The following SYNE1 variants were observed in gnomAD, a reference collection of about 807,000 sequenced individuals.
SYNE1 encodes the protein nesprin-1.
Under a neutral mutation model 1,111.0 loss-of-function variants are expected in SYNE1, and 616 were observed. The observed-to-expected ratio is 0.55, with a 90% CI of 0.52 to 0.59. SYNE1 has a LOEUF of 0.59. Ranked by LOEUF, SYNE1 falls within the 20% of genes least tolerant of loss-of-function variation. The probability of loss-of-function intolerance (pLI) is 0.00; values close to 1 mark genes in which losing one functional copy is unlikely to be tolerated. For missense variants in SYNE1, 10,006 were observed against 10,417.0 expected, an observed-to-expected ratio of 0.96 and a Z score of 1.72; for synonymous variants, 3,855 against 3,825.8, an observed-to-expected ratio of 1.01 and a Z score of -0.28.
chr6:152,179,673 CTTTTTTTTTTTTT>C (rs796260764), intron 129 of SYNE1, among the ~76,000 whole-genome samples: 1,144 of 55,116 alleles, frequency 0.021, 20 homozygotes, highest in Non-Finnish European at 0.029. Flanking sequence ...GCTGGATATC[CTTTTTTTTTTTTT>C]TTTTTTTTTT....
rs1211374982 is a variant in SYNE1 at position 152,407,066 on chromosome 6, A to T, written c.6671T>A (p.Ile2224Asn). The change falls in exon 45 of 146, where the codon ATC becomes AAC. Residue 2224 changes from isoleucine to asparagine, a missense_variant. Physicochemically the swap from Ile to Asn is moderately radical, Grantham distance 149. This residue lies in a region of SYNE1 where 4,955 missense variants were observed against 5,017.2 expected (regional missense o/e 0.99). Transcript: ENST00000367255. Reference protein sequence around the residue: ...NNCVPQMAENISNLDNHLRAE... With the variant: ...NNCVPQMAENNSNLDNHLRAE... Reference sequence around the variant, plus strand: ...TCTGAGGTGGTTATCCAGGTTGCTGATGTTTTCTGCCATCTGTGGAACGCA... The same window carrying T: ...TCTGAGGTGGTTATCCAGGTTGCTGTTGTTTTCTGCCATCTGTGGAACGCA... The T allele has an allele frequency of 4.3e-6, 7 of 1,613,648 alleles. No homozygotes were observed. The highest frequency in any genetic ancestry group is 5.9e-6 in the Non-Finnish European group (7 of 1,179,960).
chr6:152,347,165 A>G lies in SYNE1; in HGVS notation c.11972T>C (p.Ile3991Thr), dbSNP rs1031815084. The change falls in exon 73 of 146, where the codon ATT (isoleucine) becomes ACT (threonine). Residue 3991 changes from isoleucine (I) to threonine (T), a missense_variant. Ile to Thr is a moderately conservative substitution (Grantham distance 89). Around this residue, in one of 7 missense-constraint regions of SYNE1, gnomAD observed 4,955 missense variants for 5,017.2 expected, o/e 0.99. Coordinates refer to ENST00000367255, the MANE Select transcript of SYNE1 (RefSeq NM_182961.4). ...TTGCAGGTGGTCTGCACATTGGCCA[A>G]TCAAAGTATCACCTTTCATTTGAAG... Reference protein sequence around the residue: ...NNLQMKGDTLIGQCADHLQAK... With the variant: ...NNLQMKGDTLTGQCADHLQAK... 1 of 1,614,162 alleles carries G rather than the reference A, an allele frequency of 6.2e-7. No homozygotes were observed. Among genetic ancestry groups the G allele is most frequent in the Non-Finnish European group, 8.5e-7 (1 of 1,180,028 alleles).
At chr6:152,343,643 C>T (rs1272343901) in intron 74 of SYNE1, among the ~76,000 whole-genome samples, 1 of 151,962 alleles carries the variant, frequency 6.6e-6, no homozygotes, top group African/African-American at 2.4e-5. Flanking sequence ...ATTCTCCTGC[C>T]TCAGCCTCCT....
At chr6:152,627,957 C>T (rs566402450) in intron 3 of SYNE1, among the ~76,000 whole-genome samples, 2 of 146,668 alleles carry the variant, frequency 1.4e-5, no homozygotes, top group South Asian at 4.2e-4. Context: ...TATTGAACAA[C>T]AGCAGCAGTA....
intron 133 of SYNE1, among the ~76,000 whole-genome samples, chr6:152,153,771 T>C (rs542588522): frequency 6.6e-6 from 1 of 152,356 alleles, no homozygotes; most frequent in African/African-American, 2.4e-5. Context: ...AATTTAGTGG[T>C]ATAGTTACAT....
In SYNE1 at chr6:152,330,737, G is replaced by T. The variant is rs866163858; in HGVS notation, c.13948C>A (p.Arg4650=). ...AAGGCAACAATTACATTAAATTGTC[G>T]AGGCAAAGCATTTAGCTTTTCACTG... The part of the protein sequence containing the change: ...YLSEKLNALP[R]QFNVIVALAK... Residue 4650 remains arginine, a synonymous_variant, in exon 78 of 146, where the codon CGA becomes AGA. Transcript: ENST00000367255. 6 of 1,613,924 alleles carry T rather than the reference G, an allele frequency of 3.7e-6. No individual in the cohort carries two copies. The highest frequency in any genetic ancestry group is 1.6e-4 in the Middle Eastern group (1 of 6,062).
intron 128 of SYNE1, among the ~76,000 whole-genome samples, chr6:152,187,845 C>T (rs1176098641): frequency 6.6e-6 from 1 of 152,090 alleles, no homozygotes; most frequent in African/African-American, 2.4e-5. Flanking sequence ...CCTGCCTCAG[C>T]CTCCCAAGTA....
chr6:152,409,612 C>T lies in SYNE1; in HGVS notation c.6328G>A (p.Val2110Ile). The T allele has an allele frequency of 6.2e-7, 1 of 1,613,872 alleles. No homozygotes were observed. Among genetic ancestry groups the T allele is most frequent in the Non-Finnish European group, 8.5e-7 (1 of 1,179,950 alleles). The change falls in exon 43 of 146, where the codon GTA (valine) becomes ATA (isoleucine). Residue 2110 changes from valine (V) to isoleucine (I), a missense_variant. Val to Ile is a conservative substitution (Grantham distance 29). Around this residue, in one of 7 missense-constraint regions of SYNE1, gnomAD observed 4,955 missense variants for 5,017.2 expected, o/e 0.99. Coordinates refer to ENST00000367255, the MANE Select transcript of SYNE1 (RefSeq NM_182961.4). ...TGATCTTTTATGGTAGTTCTGGTTA[C>T]AATCACACTGCTGGCATTTTCTAAG... ...KVLENASSVI[V>I]TRTTIKDQED...
rs180702990 is a variant in SYNE1, at chr6:152,203,307, T to C, written c.23020-1358A>G. ...CCACAGCAGAGCTTGATCTTTTTTATAGCACCTTATCTACACATTAACTCC... is the reference window on the plus strand; with the variant it reads ...CCACAGCAGAGCTTGATCTTTTTTACAGCACCTTATCTACACATTAACTCC... On this transcript the variant is annotated intron_variant, in intron 126 of 145. Coordinates refer to ENST00000367255, the MANE Select transcript of SYNE1 (RefSeq NM_182961.4). Among the ~76,000 whole-genome samples the C allele has an allele frequency of 4.5e-4, 68 of 149,702 alleles. No individual in the cohort carries two copies. The Middle Eastern group carries it at 0.01, about 23-fold the overall frequency.
chr6:152,195,527 C>G (rs957063723), intron 127 of SYNE1, among the ~76,000 whole-genome samples: 1 of 152,204 alleles, frequency 6.6e-6, no homozygotes, highest in African/African-American at 2.4e-5. Flanking sequence ...CACCCCAAGC[C>G]CACTAAAACT....
intron 75 of SYNE1, among the ~76,000 whole-genome samples, chr6:152,338,511 A>G (rs2096457810): frequency 6.6e-6 from 1 of 151,838 alleles, no homozygotes; most frequent in Admixed American, 6.6e-5. Flanking sequence ...AGTCCCAGCT[A>G]TTGGGAGGCG....
At chr6:152,562,707 T>G (rs925494178) in intron 3 of SYNE1, among the ~76,000 whole-genome samples, 1 of 152,158 alleles carries the variant, frequency 6.6e-6, no homozygotes, top group Admixed American at 6.5e-5. Context: ...ATGTAGATGA[T>G]GGGTTGATGG....
At chr6:152,545,694 C>T (rs936056273) in intron 3 of SYNE1, among the ~76,000 whole-genome samples, 1 of 152,022 alleles carries the variant, frequency 6.6e-6, no homozygotes, top group Non-Finnish European at 1.5e-5. Context: ...TAGTACCATG[C>T]ATTGATACAT....
At chr6:152,235,999 A>G (rs898464816) in intron 110 of SYNE1, 108 bp downstream of exon 110, 2 of 1,275,494 alleles carry the variant, frequency 1.6e-6, no homozygotes, top group Non-Finnish European at 2.3e-6. Flanking sequence ...CGTATTGGCC[A>G]CCCAAGTAAT....
rs2097785676 is a variant in SYNE1 at position 152,399,838 on chromosome 6, T to C, written c.7030-15A>G. ...TTTTGTATATCCTACAGAATAAAAG[T>C]ATATTATGAAGGATATTCATAACTT... is the stretch of plus-strand genomic sequence containing the variant. On this transcript the variant is annotated splice_polypyrimidine_tract_variant and intron_variant, in intron 47 of 145. Coordinates refer to ENST00000367255, the MANE Select transcript of SYNE1 (RefSeq NM_182961.4). The C allele has an allele frequency of 3.7e-6, 6 of 1,611,470 alleles. No homozygotes were observed. Among genetic ancestry groups the C allele is most frequent in the Non-Finnish European group, 5.1e-6 (6 of 1,177,608 alleles).
At chr6:152,420,053 T>C (rs1433561448) in intron 39 of SYNE1, among the ~76,000 whole-genome samples, 2 of 152,250 alleles carry the variant, frequency 1.3e-5, no homozygotes, top group Admixed American at 6.5e-5. Flanking sequence ...TGCCTTAGTA[T>C]ATGTTATCAG....
chr6:152,329,224 A>G (rs1015822602), intron 78 of SYNE1, among the ~76,000 whole-genome samples: 2 of 152,184 alleles, frequency 1.3e-5, no homozygotes, highest in Non-Finnish European at 1.5e-5. Flanking sequence ...TATCATGCAC[A>G]TAAACAATTA....
Position 152,488,074 on chromosome 6 carries a change from C to CA in SYNE1, c.1047+321dup, listed in dbSNP as rs35496801. 0.031 allele frequency among the ~76,000 whole-genome samples: 4,081 copies of CA among 132,906 alleles called. 217 individuals are homozygous for CA. The highest frequency in any genetic ancestry group is 0.1 in the African/African-American group (3,606 of 36,226). 87.2% of individuals were successfully genotyped at this position (132,906 alleles called of 152,430 possible). On this transcript the variant is annotated intron_variant, in intron 12 of 145. Transcript: ENST00000367255. ...TGGGAGAGAGAGTGAGACTCCGTCT[C>CA]AAAAAAAAAAAAAAATCATGAGTTC...
chr6:152,242,234 A>G lies in SYNE1; in HGVS notation c.19893+6T>C, dbSNP rs377413112. The G allele has an allele frequency of 1.7e-5, 28 of 1,612,298 alleles. No homozygotes were observed. Among genetic ancestry groups the G allele is most frequent in the Non-Finnish European group, 2.1e-5 (25 of 1,178,510 alleles). On this transcript the variant is annotated splice_donor_region_variant and intron_variant, in intron 107 of 145. Coordinates refer to ENST00000367255, the MANE Select transcript of SYNE1 (RefSeq NM_182961.4). ...TTTCTCTCTATCACTCTTTTTTGTT[A>G]TGTACCTTATGTTTGTCAAGTAGTT... is the stretch of plus-strand genomic sequence containing the variant.
Sources: allele counts gnomAD v4.1 joint callset (sites outside exome capture counted in the v4.1 genomes callset), GRCh38; gene constraint gnomAD v4.1.1; regional missense constraint gnomAD v4.1.1; transcripts MANE v1.5; gene names NCBI Gene and HGNC (gene_info 2026-07-23, HGNC 2026-07-21).